Variants in PLA2G10 observed in about 807,000 individuals in gnomAD.
PLA2G10 encodes group 10 secretory phospholipase A2.
Under a neutral mutation model 7.9 loss-of-function variants are expected in PLA2G10, and 9 were observed. The ratio of observed to expected loss-of-function variants is 1.14; its 90% confidence interval spans 0.68 to 1.98. The LOEUF (loss-of-function observed/expected upper bound fraction) is 1.98, where lower values mean the gene tolerates loss of function less well. Among genes scored for constraint, PLA2G10 ranks in the 30% most tolerant of loss-of-function variants. The pLI, the probability that PLA2G10 is intolerant of heterozygous loss-of-function variation, is 0.00. For missense variants in PLA2G10, 53 were observed against 65.4 expected, an observed-to-expected ratio of 0.81 and a Z score of 0.66; for synonymous variants, 19 against 27.5, an observed-to-expected ratio of 0.69 and a Z score of 0.97.
At chr16:14,684,266 G>A (rs1271292503) in intron 3 of PLA2G10, among the ~76,000 whole-genome samples, 2 of 150,528 alleles carry the variant, frequency 1.3e-5, no homozygotes, top group Non-Finnish European at 3.0e-5. Flanking sequence ...GAGTTCAGGA[G>A]GCGGAGGCTG....
At chr16:14,686,149 A>G (rs1961053806) in intron 3 of PLA2G10, among the ~76,000 whole-genome samples, 1 of 151,660 alleles carries the variant, frequency 6.6e-6, no homozygotes, top group African/African-American at 2.4e-5. Context: ...GCACACCACC[A>G]CACCGTGCTA....
At chr16:14,685,009 T>C (rs918015429) in intron 3 of PLA2G10, among the ~76,000 whole-genome samples, 3 of 152,122 alleles carry the variant, frequency 2.0e-5, no homozygotes, top group African/African-American at 7.2e-5. Context: ...ATAAACGAAA[T>C]GTGATCTATC....
rs1213140040 is a variant in PLA2G10 at position 14,687,820 on chromosome 16, A to C, written c.355+345T>G. On this transcript the variant is annotated intron_variant, in intron 3 of 3. Transcript: ENST00000438167. ...GAGACCAGCCTGGCCAACTTGGTGA[A>C]ACCCCACCTCTACTGAAAAAATACA... is the stretch of plus-strand genomic sequence containing the variant. 2.0e-5 allele frequency among the ~76,000 whole-genome samples: 3 copies of C among 151,210 alleles called. No homozygotes were observed. The East Asian group carries it at 5.9e-4, about 30-fold the overall frequency.
chr16:14,674,319 T>A (rs1006150811), intron 3 of PLA2G10, among the ~76,000 whole-genome samples: 4 of 152,236 alleles, frequency 2.6e-5, no homozygotes, highest in Admixed American at 2.6e-4. Context: ...CCCAAAGCAA[T>A]CTACAGATTC....
chr16:14,687,056 C>A (rs746804811), intron 3 of PLA2G10, among the ~76,000 whole-genome samples: 1 of 150,290 alleles, frequency 6.7e-6, no homozygotes, highest in Non-Finnish European at 1.5e-5. Flanking sequence ...TGCAGTAAGC[C>A]AAGAACATGC....
chr16:14,681,908 C>A (rs1460249782), intron 3 of PLA2G10, among the ~76,000 whole-genome samples: 2 of 151,836 alleles, frequency 1.3e-5, no homozygotes, highest in Non-Finnish European at 2.9e-5. Context: ...AGATTTCCCA[C>A]TGAAGCCTCA....
intron 3 of PLA2G10, among the ~76,000 whole-genome samples, chr16:14,684,838 CAGG>C (rs2151853971): frequency 6.6e-6 from 1 of 152,170 alleles, no homozygotes; most frequent in East Asian, 1.9e-4. Flanking sequence ...AGAAGTAAAA[CAGG>C]ATTACCGTAT....
At chr16:14,674,583 C>T (rs1960675417) in intron 3 of PLA2G10, among the ~76,000 whole-genome samples, 1 of 151,940 alleles carries the variant, frequency 6.6e-6, no homozygotes, top group Non-Finnish European at 1.5e-5. Flanking sequence ...TGCCTATAAG[C>T]CCAGCTGATC....
intron 3 of PLA2G10, among the ~76,000 whole-genome samples, chr16:14,679,304 CAGA>C (rs1285993584): frequency 6.6e-6 from 1 of 151,994 alleles, no homozygotes; most frequent in African/African-American, 2.4e-5. Flanking sequence ...GAGGCTGAGT[CAGA>C]AGGATTGCTT....
At chr16:14,683,326 A>G in intron 3 of PLA2G10, among the ~76,000 whole-genome samples, 1 of 148,386 alleles carries the variant, frequency 6.7e-6, no homozygotes, top group South Asian at 2.1e-4. Context: ...TCCACCTCCC[A>G]GGTTCAAGCA....
At chr16:14,677,425 G>A (rs1960752439) in intron 3 of PLA2G10, among the ~76,000 whole-genome samples, 1 of 152,090 alleles carries the variant, frequency 6.6e-6, no homozygotes, top group South Asian at 2.1e-4. Flanking sequence ...GGAGTGCAGT[G>A]GCACGATCTC....
chr16:14,687,048 C>A (rs1961094288), intron 3 of PLA2G10, among the ~76,000 whole-genome samples: 1 of 151,030 alleles, frequency 6.6e-6, no homozygotes, highest in South Asian at 2.1e-4. Context: ...GTGGAGGTTG[C>A]AGTAAGCCAA....
At chr16:14,674,431 C>T (rs1020739083) in intron 3 of PLA2G10, among the ~76,000 whole-genome samples, 1 of 152,122 alleles carries the variant, frequency 6.6e-6, no homozygotes, top group Non-Finnish European at 1.5e-5. Flanking sequence ...AGGCTGGGCA[C>T]AGTGGCTCAC....
At position 14,672,750 on chromosome 16, in the gene PLA2G10, C is replaced by T. The variant is rs1325174834; in HGVS notation, c.356-1G>A. The T allele has an allele frequency of 1.2e-6, 2 of 1,613,744 alleles. No individual in the cohort carries two copies. Among genetic ancestry groups the T allele is most frequent in the East Asian group, 2.2e-5 (1 of 44,872 alleles). On this transcript the variant is annotated splice_acceptor_variant, in intron 3 of 3. Coordinates refer to ENST00000438167, the MANE Select transcript of PLA2G10 (RefSeq NM_003561.3). LOFTEE classifies it high-confidence loss of function. Reference sequence around the variant, plus strand: ...TCTTGGCATTTGTTCTCTGCCGGTCCTGGAAGAAGTGGGGAAACTGAGATT... The same window carrying T: ...TCTTGGCATTTGTTCTCTGCCGGTCTTGGAAGAAGTGGGGAAACTGAGATT...
chr16:14,684,771 A>G (rs1437637639), intron 3 of PLA2G10, among the ~76,000 whole-genome samples: 1 of 152,178 alleles, frequency 6.6e-6, no homozygotes, highest in Non-Finnish European at 1.5e-5. Flanking sequence ...GCAGTGAGCC[A>G]TGATCATGCC....
Position 14,672,563 on chromosome 16 carries a change from A to G in PLA2G10, c.*44T>C, listed in dbSNP as rs199646389. On this transcript the variant is annotated 3_prime_UTR_variant, in exon 4 of 4. Transcript: ENST00000438167. ...AATGCTGTTGTTCATTACTGAGAGGACGCTTTATTTCCTTGTGCAAAAGAG... is the reference window on the plus strand; with the variant it reads ...AATGCTGTTGTTCATTACTGAGAGGGCGCTTTATTTCCTTGTGCAAAAGAG... 266 of 1,598,228 alleles carry G rather than the reference A, an allele frequency of 1.7e-4. 1 individual carries two copies. The highest frequency in any genetic ancestry group is 2.2e-4 in the Non-Finnish European group (255 of 1,168,126).
At chr16:14,680,257 C>T (rs549686273) in intron 3 of PLA2G10, among the ~76,000 whole-genome samples, 3 of 152,104 alleles carry the variant, frequency 2.0e-5, no homozygotes, top group South Asian at 2.1e-4. Context: ...CCTGCCACCA[C>T]GACCGGCTAA....
chr16:14,675,069 G>A (rs1244295620), intron 3 of PLA2G10, among the ~76,000 whole-genome samples: 1 of 151,946 alleles, frequency 6.6e-6, no homozygotes, highest in African/African-American at 2.4e-5. Context: ...TACTTGGTAA[G>A]CTGAGGCAGA....
At chr16:14,686,754 C>T (rs577661464) in intron 3 of PLA2G10, among the ~76,000 whole-genome samples, 87 of 152,182 alleles carry the variant, frequency 5.7e-4, no homozygotes, top group African/African-American at 1.9e-3. Flanking sequence ...CTTGGCCTCC[C>T]AAAGTGCTGG....
Sources: gnomAD v4.1 joint callset for allele counts (sites outside exome capture counted in the v4.1 genomes callset) on GRCh38, gnomAD v4.1.1 for gene constraint, MANE v1.5 for transcripts, NCBI Gene and HGNC (gene_info 2026-07-23, HGNC 2026-07-21) for gene names.